Variants in MACROD2 observed in about 807,000 individuals in gnomAD.
The protein encoded by MACROD2 is mono-ADP ribosylhydrolase 2, also known as ADP-ribose glycohydrolase MACROD2.
A neutral mutation model predicts 70.4 loss-of-function variants in MACROD2; 36 were observed. The ratio of observed to expected loss-of-function variants is 0.51; its 90% CI spans 0.39 to 0.68. MACROD2 has a LOEUF of 0.68. Among genes scored for constraint, MACROD2 ranks in the 30% least tolerant of loss-of-function variants. The probability of loss-of-function intolerance (pLI) is 0.00; values close to 1 mark genes in which losing one functional copy is unlikely to be tolerated. For missense variants in MACROD2, 496 were observed against 538.4 expected, an observed-to-expected ratio of 0.92 and a Z score of 0.78; for synonymous variants, 172 against 178.8, an observed-to-expected ratio of 0.96 and a Z score of 0.30.
chr20:14,448,801 G>A lies in MACROD2; in HGVS notation c.272-44678G>A, dbSNP rs181710974. Among the ~76,000 whole-genome samples the A allele has an allele frequency of 3.6e-3, 549 of 152,102 alleles. 2 individuals carry two copies. Among genetic ancestry groups the A allele is most frequent in the Non-Finnish European group, 4.7e-3 (317 of 68,000 alleles). ...AGTGCGTTGATTGTGCTTGTTATAC[G>A]GAATGTATTGCTCCTCAGCAAATAT... On this transcript the variant is annotated intron_variant, in intron 3 of 17. Transcript: ENST00000684519.
intron 6 of MACROD2, among the ~76,000 whole-genome samples, chr20:15,348,099 A>G (rs1045699534): frequency 6.6e-6 from 1 of 152,166 alleles, no homozygotes; most frequent in African/African-American, 2.4e-5. Flanking sequence ...GGCCAATTAC[A>G]TGTGGATGCA....
At chr20:15,559,226 CAAAAAAAAA>C (rs148608040) in intron 8 of MACROD2, among the ~76,000 whole-genome samples, 7 of 43,246 alleles carry the variant, frequency 1.6e-4, no homozygotes, top group Non-Finnish European at 2.9e-4. Context: ...AACTCCGTCT[CAAAAAAAAA>C]AAAAAAAAAA....
chr20:14,250,889 TG>T (rs2122270900), intron 3 of MACROD2, among the ~76,000 whole-genome samples: 1 of 152,286 alleles, frequency 6.6e-6, no homozygotes, highest in African/African-American at 2.4e-5. Flanking sequence ...AGCCAGTAAT[TG>T]CATTGCTATT....
At chr20:15,760,087 A>G (rs1432826797) in intron 8 of MACROD2, among the ~76,000 whole-genome samples, 1 of 152,162 alleles carries the variant, frequency 6.6e-6, no homozygotes, top group Non-Finnish European at 1.5e-5. Flanking sequence ...ACGTGAGCCA[A>G]TCACAAAACA....
chr20:15,550,480 A>C (rs1415800366), intron 8 of MACROD2, among the ~76,000 whole-genome samples: 1 of 152,074 alleles, frequency 6.6e-6, no homozygotes, highest in African/African-American at 2.4e-5. Flanking sequence ...AGTTAGTCCC[A>C]TTATTTGTAA....
intron 4 of MACROD2, among the ~76,000 whole-genome samples, chr20:14,629,640 A>G (rs372621254): frequency 1.2e-4 from 18 of 152,248 alleles, no homozygotes; most frequent in African/African-American, 4.1e-4. Flanking sequence ...TGAGTGACTG[A>G]TTCCATCTTT....
chr20:15,478,733 C>A (rs79755115), intron 7 of MACROD2, among the ~76,000 whole-genome samples: 1 of 152,212 alleles, frequency 6.6e-6, no homozygotes, highest in Non-Finnish European at 1.5e-5. Context: ...AGGGAGTTGG[C>A]TATTTTACAG....
intron 4 of MACROD2, among the ~76,000 whole-genome samples, chr20:14,619,440 A>AAAGGAG (rs1983682368): frequency 4.6e-4 from 1 of 2,168 alleles, no homozygotes; most frequent in African/African-American, 2.0e-3. Flanking sequence ...GAAGGGAGGG[A>AAAGGAG]GGGAGGAAGG....
At chr20:15,147,985 C>G (rs890889666) in intron 5 of MACROD2, among the ~76,000 whole-genome samples, 53 of 152,122 alleles carry the variant, frequency 3.5e-4, no homozygotes, top group African/African-American at 9.6e-4. Context: ...CCGGCCATCT[C>G]TATGTGTATG....
chr20:14,178,379 A>C (rs1017849181), intron 3 of MACROD2, among the ~76,000 whole-genome samples: 2 of 152,224 alleles, frequency 1.3e-5, no homozygotes, highest in Non-Finnish European at 2.9e-5. Context: ...GAACATATCT[A>C]TGAATTTATT....
At chr20:14,079,332 G>A (rs2053958663) in intron 2 of MACROD2, among the ~76,000 whole-genome samples, 1 of 152,236 alleles carries the variant, frequency 6.6e-6, no homozygotes, top group African/African-American at 2.4e-5. Flanking sequence ...TAGTAGAGAA[G>A]CTGACGGGTT....
chr20:14,449,034 A>G (rs946580327), intron 3 of MACROD2, among the ~76,000 whole-genome samples: 1 of 152,122 alleles, frequency 6.6e-6, no homozygotes, highest in Non-Finnish European at 1.5e-5. Context: ...TAGGAAAGTT[A>G]GGTTCTAGTT....
chr20:14,859,856 A>C (rs6079584), intron 5 of MACROD2, among the ~76,000 whole-genome samples: 50,391 of 151,946 alleles, frequency 0.33, 9,233 homozygotes, highest in Non-Finnish European at 0.41. Flanking sequence ...TAAGTACTAA[A>C]TAGGAGAAAA....
At chr20:14,464,511 G>T (rs1190079769) in intron 3 of MACROD2, among the ~76,000 whole-genome samples, 1 of 151,974 alleles carries the variant, frequency 6.6e-6, no homozygotes, top group Non-Finnish European at 1.5e-5. Flanking sequence ...ATTTTTTAAA[G>T]GGTTTTTTGT....
chr20:14,681,171 G>T (rs1286230258), intron 4 of MACROD2, among the ~76,000 whole-genome samples: 2 of 152,114 alleles, frequency 1.3e-5, no homozygotes, highest in African/African-American at 4.8e-5. Flanking sequence ...CATTGCTGGG[G>T]TTATGTGTAA....
intron 5 of MACROD2, among the ~76,000 whole-genome samples, chr20:14,881,841 A>G (rs2073614302): frequency 6.6e-6 from 1 of 152,078 alleles, no homozygotes; most frequent in African/African-American, 2.4e-5. Flanking sequence ...TTCTGATCCA[A>G]TTCAAGTCCC....
At chr20:14,707,973 A>C (rs2071289924) in intron 5 of MACROD2, among the ~76,000 whole-genome samples, 2 of 152,168 alleles carry the variant, frequency 1.3e-5, no homozygotes, top group Non-Finnish European at 2.9e-5. Flanking sequence ...TAGAGTTGGA[A>C]ACCTTGGTTT....
intron 5 of MACROD2, among the ~76,000 whole-genome samples, chr20:14,853,148 G>T (rs1017866822): frequency 4.2e-5 from 5 of 120,094 alleles, no homozygotes; most frequent in Non-Finnish European, 7.6e-5. Flanking sequence ...TCTCACTGAG[G>T]TGTGAACAGT....
In MACROD2 at chr20:15,898,524, C is replaced by G. The variant is rs1413021194; in HGVS notation, c.775+12713C>G. On this transcript the variant is annotated intron_variant, in intron 10 of 17. Coordinates refer to ENST00000684519, the MANE Select transcript of MACROD2 (RefSeq NM_001351661.2). ...TGAAATCAAGCCACTGCACTCCAGC[C>G]TGGGCCACAGAGCAAGACTCAGTCT... 3.1e-5 allele frequency among the ~76,000 whole-genome samples: 4 copies of G among 129,522 alleles called. 1 individual carries two copies. In the East Asian group the frequency reaches 9.7e-4, roughly 31 times the overall value. The allele number at this position is 129,522 out of a possible 152,430, so 85.0% of individuals were successfully genotyped here.
Sources: gnomAD v4.1 joint callset for allele counts (sites outside exome capture counted in the v4.1 genomes callset) on GRCh38, gnomAD v4.1.1 for gene constraint, MANE v1.5 for transcripts, NCBI Gene and HGNC (gene_info 2026-07-23, HGNC 2026-07-21) for gene names.